NRXN3: variants seen among roughly 807,000 people sequenced by gnomAD.
The protein encoded by NRXN3 is neurexin III.
A neutral mutation model predicts 137.6 loss-of-function variants in NRXN3; 32 were observed. The observed-to-expected ratio is 0.23, with a 90% CI of 0.18 to 0.31. NRXN3 has a LOEUF of 0.31. NRXN3 is among the 10% of genes least tolerant of loss of function. NRXN3 has a pLI of 1.00. For synonymous variants in NRXN3, 798 were observed against 784.5 expected, an observed-to-expected ratio of 1.02 and a Z score of -0.29; for missense variants, 1,574 against 2,062.5, an observed-to-expected ratio of 0.76 and a Z score of 4.59.
At chr14:78,397,887 G>A (rs539648147) in intron 4 of NRXN3, among the ~76,000 whole-genome samples, 6 of 151,388 alleles carry the variant, frequency 4.0e-5, no homozygotes, top group East Asian at 2.0e-4. Context: ...TTACAGGCAT[G>A]AGCCACTGCC....
intron 16 of NRXN3, among the ~76,000 whole-genome samples, chr14:79,473,013 AT>A (rs1426077238): frequency 6.6e-6 from 1 of 152,256 alleles, no homozygotes; most frequent in East Asian, 1.9e-4. Flanking sequence ...TCTTGGATTC[AT>A]TTTTTAATTA....
At chr14:79,229,180 C>T (rs1176110644) in intron 15 of NRXN3, among the ~76,000 whole-genome samples, 1 of 152,066 alleles carries the variant, frequency 6.6e-6, no homozygotes, top group East Asian at 1.9e-4. Context: ...GAATGTTTCT[C>T]CTTTTCATTA....
chr14:78,709,705 C>T (rs1392345447), intron 7 of NRXN3, 50 bp downstream of exon 7: 4 of 1,523,948 alleles, frequency 2.6e-6, no homozygotes, highest in Non-Finnish European at 3.5e-6. Context: ...GCTGTAGCTT[C>T]TCAGTTTGTT....
intron 2 of NRXN3, among the ~76,000 whole-genome samples, chr14:78,263,873 T>TTG (rs3059009): frequency 0.064 from 8,621 of 135,344 alleles, 291 homozygotes; most frequent in Admixed American, 0.1. Context: ...CAGTTCTATT[T>TTG]TGTGTGTGTG....
chr14:78,213,437 C>G (rs1214968664), intron 1 of NRXN3, among the ~76,000 whole-genome samples: 1 of 151,884 alleles, frequency 6.6e-6, no homozygotes, highest in Non-Finnish European at 1.5e-5. Context: ...TTGATGCACA[C>G]CTGACTCCAG....
At chr14:79,615,193 G>C (rs529561844) in intron 16 of NRXN3, among the ~76,000 whole-genome samples, 1 of 152,302 alleles carries the variant, frequency 6.6e-6, no homozygotes, top group South Asian at 2.1e-4. Context: ...CTCTCAAGGA[G>C]CTTAGAGAAT....
chr14:79,613,868 T>C (rs926703910), intron 16 of NRXN3, among the ~76,000 whole-genome samples: 5 of 152,386 alleles, frequency 3.3e-5, no homozygotes, highest in Middle Eastern at 3.4e-3. Context: ...GCCAGGAAGT[T>C]GGTAGCTGGT....
At chr14:78,842,764 C>A (rs1267185296) in intron 10 of NRXN3, among the ~76,000 whole-genome samples, 1 of 152,104 alleles carries the variant, frequency 6.6e-6, no homozygotes, top group Non-Finnish European at 1.5e-5. Context: ...CTCAGGGATG[C>A]ATTCTCTTTC....
chr14:79,653,995 A>G (rs1453562280), intron 16 of NRXN3, among the ~76,000 whole-genome samples: 1 of 152,238 alleles, frequency 6.6e-6, no homozygotes, highest in Non-Finnish European at 1.5e-5. Flanking sequence ...ATATGACTCA[A>G]TAAGCTGAAG....
At chr14:78,213,636 G>C (rs1367777625) in intron 1 of NRXN3, among the ~76,000 whole-genome samples, 1 of 152,154 alleles carries the variant, frequency 6.6e-6, no homozygotes, top group African/African-American at 2.4e-5. Flanking sequence ...AGCAGCTTTG[G>C]GGGAGTGGCC....
rs1353806091 is a variant in NRXN3, at chr14:78,645,287, G to T, written c.925G>T (p.Ala309Ser). Residue 309 changes from alanine to serine, a missense_variant, in exon 5 of 21, where the codon GCT becomes TCT. By Grantham distance (99) the Ala-to-Ser change is moderately conservative (BLOSUM62 1). Around this residue, in one of 5 missense-constraint regions of NRXN3, gnomAD observed 400 missense variants for 527.3 expected, o/e 0.76. Coordinates refer to ENST00000335750, the MANE Select transcript of NRXN3 (RefSeq NM_001330195.2). ...TGKSADYVNL[A>S]LKDGAVSLVI... ...CAAGTCGGCTGACTATGTCAACCTG[G>T]CTCTGAAGGATGGTGCGGTCTCCTT... 6.3e-6 allele frequency: 10 copies of T among 1,598,912 alleles called. No homozygotes were observed. The South Asian group carries it at 1.1e-4, about 18-fold the overall frequency.
intron 15 of NRXN3, among the ~76,000 whole-genome samples, chr14:79,409,723 G>A (rs537206321): frequency 1.3e-5 from 2 of 150,120 alleles, no homozygotes; most frequent in Middle Eastern, 3.4e-3. Context: ...AATTCTGTGA[G>A]CTGAGACATA....
At chr14:79,698,037 T>C (rs1342130129) in intron 19 of NRXN3, 100 bp downstream of exon 19, 7 of 1,076,398 alleles carry the variant, frequency 6.5e-6, no homozygotes, top group African/African-American at 1.6e-5. Flanking sequence ...TGAATTACTA[T>C]GTAAGAAGGA....
At chr14:79,551,461 T>G (rs1314878006) in intron 16 of NRXN3, among the ~76,000 whole-genome samples, 1 of 152,216 alleles carries the variant, frequency 6.6e-6, no homozygotes, top group East Asian at 1.9e-4. Context: ...ACGGCTTTAA[T>G]GAAACATTGA....
chr14:79,298,413 T>C (rs767873046), intron 15 of NRXN3, among the ~76,000 whole-genome samples: 22 of 152,106 alleles, frequency 1.4e-4, no homozygotes, highest in Non-Finnish European at 2.4e-4. Flanking sequence ...CCATGGCTTC[T>C]AGCTACAGAA....
chr14:79,810,646 A>G (rs2099228874), intron 20 of NRXN3, among the ~76,000 whole-genome samples: 1 of 152,176 alleles, frequency 6.6e-6, no homozygotes, highest in Non-Finnish European at 1.5e-5. Context: ...TGAAATTTAA[A>G]TTTGGCATAA....
At chr14:79,629,653 T>C (rs2098322594) in intron 16 of NRXN3, among the ~76,000 whole-genome samples, 1 of 152,060 alleles carries the variant, frequency 6.6e-6, no homozygotes. Context: ...AGACTGCTAA[T>C]AGGGAGTAAG....
rs556254784 is a variant in NRXN3, at chr14:78,911,219, G to C, written c.2276-46023G>C. Among the ~76,000 whole-genome samples the C allele has an allele frequency of 2.0e-5, 3 of 152,184 alleles. No homozygotes were observed. The South Asian group carries it at 6.2e-4, about 32-fold the overall frequency. On this transcript the variant is annotated intron_variant, in intron 10 of 20. Coordinates refer to ENST00000335750, the MANE Select transcript of NRXN3 (RefSeq NM_001330195.2). ...CATTTTTATAAATGAGAAAGCTGAGGTACAATGAGGGCTGGTAATTGGGCA... is the reference window on the plus strand; with the variant it reads ...CATTTTTATAAATGAGAAAGCTGAGCTACAATGAGGGCTGGTAATTGGGCA...
At chr14:78,702,820 T>C (rs918392601) in intron 6 of NRXN3, among the ~76,000 whole-genome samples, 2 of 152,218 alleles carry the variant, frequency 1.3e-5, no homozygotes, top group Non-Finnish European at 2.9e-5. Flanking sequence ...AATAACAAAA[T>C]TAATAGTGAT....
Sources: gnomAD v4.1 joint callset for allele counts (sites outside exome capture counted in the v4.1 genomes callset) on GRCh38, gnomAD v4.1.1 for gene constraint, gnomAD v4.1.1 regional missense constraint, MANE v1.5 for transcripts, NCBI Gene and HGNC (gene_info 2026-07-23, HGNC 2026-07-21) for gene names.